Variants in OXR1 observed in about 807,000 individuals in gnomAD.
OXR1 encodes the protein oxidation resistance protein 1.
In OXR1, 41 loss-of-function variants were observed where a neutral mutation model predicts 104.6. The observed-to-expected ratio is 0.39, with a 90% confidence interval of 0.31 to 0.51. OXR1 has a LOEUF of 0.51. Ranked by LOEUF, OXR1 falls within the 20% of genes least tolerant of loss-of-function variation. The pLI is 0.77. For missense variants in OXR1, 955 were observed against 1,031.9 expected (o/e 0.93, Z 1.02); for synonymous variants, 348 against 348.4 (o/e 1.00, Z 0.01).
At chr8:106,329,865 A>G (rs1814638279) in intron 1 of OXR1, among the ~76,000 whole-genome samples, 1 of 152,042 alleles carries the variant, frequency 6.6e-6, no homozygotes, top group African/African-American at 2.4e-5. Context: ...TATAATGGGG[A>G]ATCAAAATAG....
intron 7 of OXR1, chr8:106,697,386 C>A: frequency 3.9e-6 from 5 of 1,278,160 alleles, no homozygotes; most frequent in Non-Finnish European, 5.5e-6. Flanking sequence ...TGTATATTAA[C>A]CACTCGTGGG....
chr8:106,283,182 A>G (rs1295097127), intron 1 of OXR1, among the ~76,000 whole-genome samples: 1 of 152,188 alleles, frequency 6.6e-6, no homozygotes, highest in Non-Finnish European at 1.5e-5. Context: ...TTGCTGAGTT[A>G]GCACGTTTCT....
intron 1 of OXR1, among the ~76,000 whole-genome samples, chr8:106,293,436 A>T (rs1377078494): frequency 1.3e-5 from 2 of 152,170 alleles, no homozygotes; most frequent in African/African-American, 4.8e-5. Context: ...CCCATTCTTG[A>T]AGAATTGCTG....
chr8:106,658,746 T>TG (rs1825438217), intron 3 of OXR1, among the ~76,000 whole-genome samples: 1 of 152,186 alleles, frequency 6.6e-6, no homozygotes, highest in African/African-American at 2.4e-5. Context: ...CGTTGTCTTG[T>TG]GGTGGCAGAA....
chr8:106,469,855 G>A (rs1413681317), intron 2 of OXR1, among the ~76,000 whole-genome samples: 1 of 151,878 alleles, frequency 6.6e-6, no homozygotes, highest in Non-Finnish European at 1.5e-5. Context: ...GGTCAGACAG[G>A]TCTGTAGACC....
intron 15 of OXR1, among the ~76,000 whole-genome samples, chr8:106,744,359 T>C (rs1835203289): frequency 6.6e-6 from 1 of 152,196 alleles, no homozygotes; most frequent in Non-Finnish European, 1.5e-5. Flanking sequence ...GTAGATAGAA[T>C]GAGGAATCAT....
chr8:106,447,909 G>A (rs1820083080), intron 2 of OXR1: 6 of 1,519,646 alleles, frequency 3.9e-6, no homozygotes, highest in Non-Finnish European at 5.3e-6. Context: ...CCTGGCGGAG[G>A]TAGTGGGTGG....
At chr8:106,417,605 C>A (rs1586623246) in intron 2 of OXR1, among the ~76,000 whole-genome samples, 2 of 152,232 alleles carry the variant, frequency 1.3e-5, no homozygotes, top group East Asian at 3.9e-4. Flanking sequence ...CATACACTGT[C>A]TACAAAAACT....
intron 3 of OXR1, among the ~76,000 whole-genome samples, chr8:106,533,700 C>A (rs1245794313): frequency 6.7e-6 from 1 of 148,784 alleles, no homozygotes; most frequent in African/African-American, 2.5e-5. Flanking sequence ...AACAGGGCAG[C>A]AGTTGAGTTT....
chr8:106,513,747 T>C (rs1812688480), intron 2 of OXR1, among the ~76,000 whole-genome samples: 1 of 152,168 alleles, frequency 6.6e-6, no homozygotes, highest in Admixed American at 6.6e-5. Flanking sequence ...TACAAAATGA[T>C]TGGAACTTGC....
At chr8:106,402,377 A>G (rs1211723499) in intron 2 of OXR1, among the ~76,000 whole-genome samples, 1 of 152,222 alleles carries the variant, frequency 6.6e-6, no homozygotes, top group Non-Finnish European at 1.5e-5. Flanking sequence ...GTCTTTTGCC[A>G]TAATGATCCT....
intron 2 of OXR1, among the ~76,000 whole-genome samples, chr8:106,384,500 C>T (rs528135397): frequency 6.6e-6 from 1 of 152,096 alleles, no homozygotes; most frequent in African/African-American, 2.4e-5. Context: ...ATAGCTTCAT[C>T]GAGTATAAGG....
At chr8:106,329,651 G>A (rs1350863814) in intron 1 of OXR1, among the ~76,000 whole-genome samples, 4 of 152,172 alleles carry the variant, frequency 2.6e-5, no homozygotes, top group African/African-American at 2.4e-5. Flanking sequence ...CCAGCCATCA[G>A]TGACACTTTC....
intron 2 of OXR1, among the ~76,000 whole-genome samples, chr8:106,470,326 A>T (rs545773990): frequency 2.0e-4 from 30 of 151,984 alleles, no homozygotes; most frequent in Non-Finnish European, 4.1e-4. Flanking sequence ...AATGGAAACC[A>T]TTCTTCCAGT....
intron 1 of OXR1, among the ~76,000 whole-genome samples, chr8:106,281,685 AGCTAC>A: frequency 1.3e-5 from 2 of 151,800 alleles, no homozygotes; most frequent in Admixed American, 1.3e-4. Flanking sequence ...CTGTAGTCCC[AGCTAC>A]ATGGGAGGCT....
At chr8:106,733,881 C>A (rs1834131508) in intron 11 of OXR1, among the ~76,000 whole-genome samples, 1 of 151,560 alleles carries the variant, frequency 6.6e-6, no homozygotes, top group African/African-American at 2.4e-5. Flanking sequence ...TGGCTCCCTC[C>A]CCTCTTCCTT....
chr8:106,586,516 G>A (rs1818641053), intron 3 of OXR1, among the ~76,000 whole-genome samples: 1 of 152,160 alleles, frequency 6.6e-6, no homozygotes, highest in African/African-American at 2.4e-5. Flanking sequence ...ATTGAGAAAT[G>A]GAATAAACTA....
At chr8:106,346,319 T>C (rs893361666) in intron 1 of OXR1, among the ~76,000 whole-genome samples, 2 of 152,172 alleles carry the variant, frequency 1.3e-5, no homozygotes, top group African/African-American at 4.8e-5. Context: ...TCTCTACTTG[T>C]GTAAATCTGA....
chr8:106,692,856 C>A lies in OXR1; in HGVS notation c.654C>A (p.Cys218Ter). ...CTGAGAAATTTCTTAAAATTAATTGCAAATATATTACCAGTGGCAAGGTAA... is the reference window on the plus strand; with the variant it reads ...CTGAGAAATTTCTTAAAATTAATTGAAAATATATTACCAGTGGCAAGGTAA... ...AFTEKFLKINCKYITSGKGTV... is the reference protein window; with the variant it reads ...AFTEKFLKIN Residue 218 changes from cysteine (C) to a stop codon, truncating the protein, a stop_gained, in exon 7 of 17, where the codon TGC becomes TGA. Transcript: ENST00000517566. LOFTEE classifies it high-confidence loss of function. The A allele has an allele frequency of 6.2e-7, 1 of 1,602,208 alleles. No individual in the cohort carries two copies. Among genetic ancestry groups the A allele is most frequent in the Non-Finnish European group, 8.5e-7 (1 of 1,172,642 alleles).
Sources: gnomAD v4.1 joint callset for allele counts (sites outside exome capture counted in the v4.1 genomes callset) on GRCh38, gnomAD v4.1.1 for gene constraint, MANE v1.5 for transcripts, NCBI Gene and HGNC (gene_info 2026-07-23, HGNC 2026-07-21) for gene names.